Variants in LRPPRC observed in about 807,000 individuals in gnomAD.
LRPPRC encodes the protein leucine-rich PPR motif-containing protein, mitochondrial.
In LRPPRC, 120 loss-of-function variants were observed where a neutral mutation model predicts 180.3. The ratio of observed to expected loss-of-function variants is 0.67; its 90% CI spans 0.57 to 0.77. LRPPRC has a LOEUF of 0.77. Among genes scored for constraint, LRPPRC ranks in the 30% least tolerant of loss-of-function variants. The pLI, the probability that LRPPRC is intolerant of heterozygous loss-of-function variation, is 0.00. For missense variants in LRPPRC, 2,012 were observed against 1,657.2 expected, an observed-to-expected ratio of 1.21 and a Z score of -3.72; for synonymous variants, 723 against 600.0, an observed-to-expected ratio of 1.21 and a Z score of -3.00.
rs1375691568 is a variant in LRPPRC at position 43,975,086 on chromosome 2, C to G, written c.864+5G>C. The G allele has an allele frequency of 6.2e-7, 1 of 1,611,964 alleles. No homozygotes were observed. The highest frequency in any genetic ancestry group is 2.2e-5 in the East Asian group (1 of 44,834). On this transcript the variant is annotated splice_donor_5th_base_variant and intron_variant, in intron 7 of 37. Transcript: ENST00000260665. Reference sequence around the variant, plus strand: ...AAAGTATGTTTATTTAGACATAAGTCATACCTGCTTAACATGGTCAATGTC... The same window carrying G: ...AAAGTATGTTTATTTAGACATAAGTGATACCTGCTTAACATGGTCAATGTC...
chr2:43,898,082 A>G (rs6707393), intron 34 of LRPPRC, among the ~76,000 whole-genome samples: 1 of 151,000 alleles, frequency 6.6e-6, no homozygotes, highest in Non-Finnish European at 1.5e-5. Flanking sequence ...AAAAAAAAAA[A>G]AAAAAACAAA....
intron 11 of LRPPRC, among the ~76,000 whole-genome samples, chr2:43,965,735 T>G (rs1673527027): frequency 6.6e-6 from 1 of 151,978 alleles, no homozygotes. Flanking sequence ...TCCAAAGACA[T>G]AAAAATGGCC....
At chr2:43,911,392 C>G (rs1671250164) in intron 30 of LRPPRC, among the ~76,000 whole-genome samples, 1 of 152,022 alleles carries the variant, frequency 6.6e-6, no homozygotes, top group African/African-American at 2.4e-5. Flanking sequence ...CACTAGGACA[C>G]TGCCAGGTTT....
chr2:43,912,407 G>A (rs756324658), intron 30 of LRPPRC, 25 bp downstream of exon 30: 3 of 1,599,974 alleles, frequency 1.9e-6, no homozygotes, highest in African/African-American at 2.7e-5. Context: ...TAAACAAGAG[G>A]TTTAATAAAT....
rs531172761 is a variant in LRPPRC at position 43,911,523 on chromosome 2, C to CTTTTT, written c.3275+904_3275+908dup. ...CTTTTCTTTTCTTCTTCTTCTTCTT[C>CTTTTT]TTTTTTTTTTTTTTTTTTTTTGAGA... On this transcript the variant is annotated intron_variant, in intron 30 of 37. Coordinates refer to ENST00000260665, the MANE Select transcript of LRPPRC (RefSeq NM_133259.4). 6.1e-4 allele frequency among the ~76,000 whole-genome samples: 56 copies of CTTTTT among 92,348 alleles called. 1 individual carries two copies. The highest frequency in any genetic ancestry group is 1.7e-3 in the African/African-American group (39 of 23,298). 60.6% of individuals were successfully genotyped at this position (92,348 alleles called of 152,430 possible). A position where few individuals can be genotyped will look rare whatever the true frequency, so the allele number is the denominator to read the frequency against.
intron 14 of LRPPRC, 82 bp from the exon 15 acceptor site, chr2:43,950,682 G>C: frequency 1.1e-6 from 1 of 930,798 alleles, no homozygotes; most frequent in Non-Finnish European, 1.8e-6. Context: ...ACAGATCAAA[G>C]TATTAAAATT....
At chr2:43,892,227 T>G (rs1027787691) in intron 36 of LRPPRC, among the ~76,000 whole-genome samples, 1 of 152,094 alleles carries the variant, frequency 6.6e-6, no homozygotes, top group African/African-American at 2.4e-5. Context: ...GATAAAACAG[T>G]CTTATATTAG....
chr2:43,971,164 G>T, intron 11 of LRPPRC, among the ~76,000 whole-genome samples: 1 of 149,674 alleles, frequency 6.7e-6, no homozygotes. Flanking sequence ...TGGGCTTTCT[G>T]ATCAGCCCTT....
intron 1 of LRPPRC, among the ~76,000 whole-genome samples, chr2:43,988,277 C>T (rs1327448522): frequency 6.7e-6 from 1 of 150,310 alleles, no homozygotes; most frequent in African/African-American, 2.5e-5. Flanking sequence ...TGGCTCATGC[C>T]TGTAATCCCA....
At chr2:43,959,859 A>C (rs1028914801) in intron 13 of LRPPRC, among the ~76,000 whole-genome samples, 34 of 152,336 alleles carry the variant, frequency 2.2e-4, no homozygotes, top group African/African-American at 8.2e-4. Context: ...ATTCCAGCCT[A>C]GGTGACAGAG....
intron 11 of LRPPRC, among the ~76,000 whole-genome samples, chr2:43,970,576 G>C (rs1254615046): frequency 6.6e-6 from 1 of 152,068 alleles, no homozygotes; most frequent in African/African-American, 2.4e-5. Flanking sequence ...TCTAAACTAA[G>C]ACTAAATAAT....
At chr2:43,969,403 C>T (rs1227015109) in intron 11 of LRPPRC, among the ~76,000 whole-genome samples, 1 of 144,654 alleles carries the variant, frequency 6.9e-6, no homozygotes, top group African/African-American at 2.7e-5. Context: ...GAGCGAGACT[C>T]CATCTCAAAA....
At position 43,946,114 on chromosome 2, in the gene LRPPRC, A is replaced by G. The variant is rs2105082431; in HGVS notation, c.2209T>C (p.Phe737Leu). The G allele has an allele frequency of 6.2e-7, 1 of 1,612,554 alleles. No homozygotes were observed. The highest frequency in any genetic ancestry group is 8.5e-7 in the Non-Finnish European group (1 of 1,178,826). The change falls in exon 21 of 38, where the codon TTT becomes CTT. Residue 737 changes from phenylalanine to leucine, a missense_variant and splice_region_variant. Coordinates refer to ENST00000260665, the MANE Select transcript of LRPPRC (RefSeq NM_133259.4). ...VEDALNLKEEFDRLDSSAVLD... is the reference protein window; with the variant it reads ...VEDALNLKEELDRLDSSAVLD... The stretch of plus-strand genomic sequence containing the variant: ...TTGTTTCAGTGCCAGGGTACTCACA[A>G]TTCTTCTTTCAAGTTCAAGGCATCT...
At chr2:43,976,098 C>T (rs1674042026) in intron 6 of LRPPRC, 45 bp downstream of exon 6, 5 of 1,115,634 alleles carry the variant, frequency 4.5e-6, no homozygotes, top group African/African-American at 1.5e-5. Context: ...TTTAGCATCT[C>T]AGCCATCTAT....
Position 43,918,281 on chromosome 2 carries a change from T to C in LRPPRC, c.3014A>G (p.Gln1005Arg). Residue 1005 changes from glutamine (Q) to arginine (R), a missense_variant, in exon 28 of 38, where the codon CAG becomes CGG. By Grantham distance (43) the Gln-to-Arg change is conservative (BLOSUM62 1). Coordinates refer to ENST00000260665, the MANE Select transcript of LRPPRC (RefSeq NM_133259.4). The stretch of plus-strand genomic sequence containing the variant: ...CTCAGGTACGTCAAACGGAACTTCC[T>C]GGTTACCCTCTCTAAGGATTTCTGC... ...LLAEILREGN[Q>R]EVPFDVPELW... 1 of 1,613,266 alleles carries C rather than the reference T, an allele frequency of 6.2e-7. No homozygotes were observed. Among genetic ancestry groups the C allele is most frequent in the Non-Finnish European group, 8.5e-7 (1 of 1,179,206 alleles).
chr2:43,980,084 A>C, intron 2 of LRPPRC, 136 bp from the exon 3 acceptor site: 1 of 801,194 alleles, frequency 1.2e-6, no homozygotes, highest in Non-Finnish European at 2.1e-6. Context: ...AATTAGAAAA[A>C]TCCTATCCTA....
At chr2:43,936,501 C>G (rs1057074790) in intron 23 of LRPPRC, among the ~76,000 whole-genome samples, 16 of 152,080 alleles carry the variant, frequency 1.1e-4, no homozygotes, top group African/African-American at 3.9e-4. Context: ...TTTTCAAAAC[C>G]AGAAAGTCCT....
chr2:43,960,684 T>C (rs761396093), intron 12 of LRPPRC, 50 bp from the exon 13 acceptor site: 10 of 892,774 alleles, frequency 1.1e-5, no homozygotes, highest in Non-Finnish European at 1.5e-5. Context: ...TAACAATATT[T>C]TGATAAGCCA....
At chr2:43,895,966 C>T (rs536076847) in intron 35 of LRPPRC, among the ~76,000 whole-genome samples, 1 of 152,002 alleles carries the variant, frequency 6.6e-6, no homozygotes, top group Admixed American at 6.6e-5. Flanking sequence ...CTATTACATA[C>T]CCACCCACCC....
Sources: gnomAD v4.1 joint callset for allele counts (sites outside exome capture counted in the v4.1 genomes callset) on GRCh38, gnomAD v4.1.1 for gene constraint, MANE v1.5 for transcripts, NCBI Gene and HGNC (gene_info 2026-07-23, HGNC 2026-07-21) for gene names.